The following KCNQ3 variants were observed in gnomAD, a reference collection of about 807,000 sequenced individuals.
KCNQ3 encodes potassium voltage-gated channel subfamily Q member 3.
KCNQ3 carries 30 observed loss-of-function variants against 92.5 expected under a neutral mutation model. That is an observed-to-expected ratio of 0.32 (90% confidence interval 0.24 to 0.44). KCNQ3 has a LOEUF of 0.44. Ranked by LOEUF, KCNQ3 falls within the 20% of genes least tolerant of loss-of-function variation. The pLI is 1.00. For synonymous variants in KCNQ3, 450 were observed against 468.8 expected (o/e 0.96, Z 0.52); for missense variants, 913 against 1,140.3 (o/e 0.80, Z 2.87).
At chr8:132,284,088 C>T (rs886359835) in intron 1 of KCNQ3, among the ~76,000 whole-genome samples, 6 of 152,022 alleles carry the variant, frequency 3.9e-5, no homozygotes, top group African/African-American at 1.5e-4. Flanking sequence ...AGGAAAGAAG[C>T]GAGATGCCAC....
intron 1 of KCNQ3, among the ~76,000 whole-genome samples, chr8:132,344,721 T>C (rs537017017): frequency 3.7e-4 from 57 of 152,096 alleles, no homozygotes; most frequent in Non-Finnish European, 6.0e-4. Context: ...GTTCAGGGTA[T>C]AGAAAGCTGG....
chr8:132,454,380 A>G (rs1293007365), intron 1 of KCNQ3, among the ~76,000 whole-genome samples: 2 of 152,224 alleles, frequency 1.3e-5, no homozygotes, highest in Non-Finnish European at 2.9e-5. Context: ...GGAGTGTTAT[A>G]TTAATAACAG....
At chr8:132,306,460 A>G (rs1309174058) in intron 1 of KCNQ3, among the ~76,000 whole-genome samples, 8 of 152,216 alleles carry the variant, frequency 5.3e-5, no homozygotes, top group Admixed American at 3.3e-4. Context: ...GAAACCCAGC[A>G]TCAAAGAGAC....
intron 1 of KCNQ3, among the ~76,000 whole-genome samples, chr8:132,238,324 TA>T (rs1240031730): frequency 1.3e-5 from 2 of 152,104 alleles, no homozygotes; most frequent in African/African-American, 2.4e-5. Context: ...TGAGAGCTGA[TA>T]AAAACTCTGC....
intron 1 of KCNQ3, among the ~76,000 whole-genome samples, chr8:132,303,216 G>A (rs1000488332): frequency 1.3e-5 from 2 of 152,034 alleles, no homozygotes; most frequent in African/African-American, 4.8e-5. Flanking sequence ...TACTATTTAG[G>A]TGCTTATGGA....
chr8:132,383,294 C>G (rs1322725562), intron 1 of KCNQ3, among the ~76,000 whole-genome samples: 3 of 152,206 alleles, frequency 2.0e-5, no homozygotes, highest in Admixed American at 2.0e-4. Context: ...AGAAATCAGA[C>G]ATTTTCTCAT....
chr8:132,479,221 G>A (rs1822485494), intron 1 of KCNQ3, among the ~76,000 whole-genome samples: 1 of 152,060 alleles, frequency 6.6e-6, no homozygotes, highest in African/African-American at 2.4e-5. Context: ...CCCAGTGGCA[G>A]GTGCAGAGGG....
chr8:132,130,044 G>GA (rs1824821805), intron 14 of KCNQ3, 48 bp from the exon 15 acceptor site: 1 of 1,591,952 alleles, frequency 6.3e-7, no homozygotes, highest in Non-Finnish European at 8.6e-7. Flanking sequence ...TGAGGGTGGG[G>GA]ATCGTTGCTA....
chr8:132,384,503 TG>T (rs1819841157), intron 1 of KCNQ3, among the ~76,000 whole-genome samples: 1 of 152,188 alleles, frequency 6.6e-6, no homozygotes, highest in African/African-American at 2.4e-5. Flanking sequence ...AAAGACTTCT[TG>T]GTACAGTGCA....
At chr8:132,171,485 A>G (rs149985357) in intron 7 of KCNQ3, among the ~76,000 whole-genome samples, 31 of 152,260 alleles carry the variant, frequency 2.0e-4, no homozygotes, top group African/African-American at 7.5e-4. Context: ...ATAAGAGGAA[A>G]CACTTCTGCC....
At chr8:132,143,935 C>T (rs1051456267) in intron 9 of KCNQ3, among the ~76,000 whole-genome samples, 23 of 152,188 alleles carry the variant, frequency 1.5e-4, no homozygotes, top group East Asian at 7.7e-4. Context: ...ACTCCACTTC[C>T]GTATGAGATA....
chr8:132,157,309 T>C (rs1235087464), intron 9 of KCNQ3, among the ~76,000 whole-genome samples: 2 of 152,210 alleles, frequency 1.3e-5, no homozygotes, highest in Non-Finnish European at 2.9e-5. Context: ...GACCATCTTT[T>C]CCCTATTTTT....
intron 9 of KCNQ3, among the ~76,000 whole-genome samples, chr8:132,142,356 C>A (rs1825323418): frequency 6.6e-6 from 1 of 152,114 alleles, no homozygotes. Flanking sequence ...AATCTGTGAC[C>A]TTTTTGAGCC....
At chr8:132,195,620 C>T (rs1260133063) in intron 1 of KCNQ3, among the ~76,000 whole-genome samples, 1 of 152,182 alleles carries the variant, frequency 6.6e-6, no homozygotes, top group Non-Finnish European at 1.5e-5. Context: ...ATGCCAAACC[C>T]CTGTCTAAAT....
intron 1 of KCNQ3, among the ~76,000 whole-genome samples, chr8:132,443,491 C>A (rs1468400732): frequency 6.6e-6 from 1 of 152,042 alleles, no homozygotes; most frequent in Non-Finnish European, 1.5e-5. Context: ...GTGTCAGAGA[C>A]AAGTGACAGC....
intron 1 of KCNQ3, among the ~76,000 whole-genome samples, chr8:132,440,785 C>T (rs1037737734): frequency 6.6e-6 from 1 of 152,156 alleles, no homozygotes; most frequent in Non-Finnish European, 1.5e-5. Context: ...GCCACTCTGC[C>T]ACCCTCACAG....
chr8:132,437,529 C>A (rs1821428536), intron 1 of KCNQ3, among the ~76,000 whole-genome samples: 1 of 152,174 alleles, frequency 6.6e-6, no homozygotes, highest in South Asian at 2.1e-4. Flanking sequence ...TTAGTTTACA[C>A]ATAGAAATTT....
intron 1 of KCNQ3, among the ~76,000 whole-genome samples, chr8:132,369,865 A>G (rs891069204): frequency 3.3e-5 from 5 of 152,212 alleles, no homozygotes; most frequent in African/African-American, 1.2e-4. Context: ...CTTGCAATAA[A>G]TATCTGCTAT....
At chr8:132,252,560 C>T (rs1038476711) in intron 1 of KCNQ3, among the ~76,000 whole-genome samples, 16 of 152,140 alleles carry the variant, frequency 1.1e-4, no homozygotes, top group African/African-American at 2.9e-4. Context: ...TTCCACAGCA[C>T]GGAAGGGGAC....
Sources: allele counts gnomAD v4.1 joint callset (sites outside exome capture counted in the v4.1 genomes callset), GRCh38; gene constraint gnomAD v4.1.1; transcripts MANE v1.5; gene names NCBI Gene and HGNC (gene_info 2026-07-23, HGNC 2026-07-21).